The following DAB2IP variants were observed in gnomAD, a reference collection of about 807,000 sequenced individuals.
DAB2IP encodes DAB2 interacting protein.
A neutral mutation model predicts 107.2 loss-of-function variants in DAB2IP; 28 were observed. The observed-to-expected ratio is 0.26, with a 90% confidence interval of 0.19 to 0.36. The LOEUF is 0.36. DAB2IP is among the 10% of genes least tolerant of loss of function. DAB2IP has a pLI of 1.00. For synonymous variants in DAB2IP, 755 were observed against 706.4 expected, an observed-to-expected ratio of 1.07 and a Z score of -1.09; for missense variants, 1,400 against 1,644.7, an observed-to-expected ratio of 0.85 and a Z score of 2.57.
intron 3 of DAB2IP, among the ~76,000 whole-genome samples, chr9:121,733,467 G>T (rs976050631): frequency 6.6e-6 from 1 of 152,226 alleles, no homozygotes; most frequent in Non-Finnish European, 1.5e-5. Context: ...AGTTGCTGAG[G>T]ACATCTTCAG....
rs185661921 is a variant in DAB2IP, at chr9:121,586,826, G to C, written c.40+19598G>C. Among the ~76,000 whole-genome samples, 127 of 152,008 alleles carry C rather than the reference G, an allele frequency of 8.4e-4. 1 individual carries two copies. Among genetic ancestry groups the C allele is most frequent in the Admixed American group, 7.1e-3 (109 of 15,256 alleles). ...CAAAGTAAAAAAAAAAAAAATTGCA[G>C]TGACCTCATTAAGCATCCCTTTTCA... is the stretch of plus-strand genomic sequence containing the variant. On this transcript the variant is annotated intron_variant, in intron 1 of 16. Transcript: ENST00000259371.
chr9:121,600,001 C>G (rs1474102798), intron 1 of DAB2IP, among the ~76,000 whole-genome samples: 1 of 152,138 alleles, frequency 6.6e-6, no homozygotes, highest in East Asian at 1.9e-4. Flanking sequence ...GCGCCCTGCC[C>G]AGATCTCGAC....
Position 121,776,226 on chromosome 9 carries a change from G to T in DAB2IP, c.3149G>T (p.Arg1050Leu). The change falls in exon 14 of 16, where the codon CGA becomes CTA. Residue 1050 changes from arginine (R) to leucine (L), a missense_variant. By Grantham distance (102) the Arg-to-Leu change is moderately radical. Coordinates refer to ENST00000408936, the Ensembl canonical transcript of DAB2IP. The surrounding 1 kb of genome is among the most constrained non-coding windows in gnomAD (Gnocchi z 5.4). ...CTGGCGGTGCTGCAGGACAAGCTGC[G>T]AATCTCCACCAAGAAGCTGGAGGAG... 1.3e-6 allele frequency: 2 copies of T among 1,582,444 alleles called. No individual in the cohort carries two copies. The highest frequency in any genetic ancestry group is 1.7e-6 in the Non-Finnish European group (2 of 1,164,682).
intron 1 of DAB2IP, among the ~76,000 whole-genome samples, chr9:121,618,696 A>T (rs1168461103): frequency 2.0e-5 from 3 of 152,184 alleles, no homozygotes; most frequent in Admixed American, 2.0e-4. Context: ...CCCAAAAGGA[A>T]TTCACGCTGT....
intron 3 of DAB2IP, among the ~76,000 whole-genome samples, chr9:121,743,618 G>A (rs988687561): frequency 6.6e-5 from 10 of 152,290 alleles, no homozygotes; most frequent in African/African-American, 2.4e-4. Flanking sequence ...GGATCAGGGC[G>A]GGGCTAGGCT....
exon 8 of DAB2IP, chr9:121,763,792 A>G (rs758299546): frequency 1.6e-5 from 26 of 1,614,004 alleles, no homozygotes; most frequent in Non-Finnish European, 2.2e-5. Flanking sequence ...GATCCCAGCA[A>G]GTGCTCGGCC....
intron 1 of DAB2IP, among the ~76,000 whole-genome samples, chr9:121,610,646 G>T (rs1831061321): frequency 6.6e-6 from 1 of 152,124 alleles, no homozygotes; most frequent in African/African-American, 2.4e-5. Flanking sequence ...GCACGTGAGG[G>T]GTGGGAAGGT....
intron 2 of DAB2IP, among the ~76,000 whole-genome samples, chr9:121,688,634 G>A (rs1829011572): frequency 6.6e-6 from 1 of 152,186 alleles, no homozygotes; most frequent in South Asian, 2.1e-4. Context: ...CGGACTCTGT[G>A]ACTTCATGAT....
At position 121,756,910 on chromosome 9, in the gene DAB2IP, G is replaced by C. The variant is rs894898937; in HGVS notation, c.363-103G>C. ...AAAGGAGAGAGAGTGGAGAGGAGTG[G>C]CTGCCTGCTGGAAGGGGCACGGCCA... On this transcript the variant is annotated intron_variant, in intron 3 of 15. Coordinates refer to ENST00000408936, the Ensembl canonical transcript of DAB2IP. 7 of 1,485,644 alleles carry C rather than the reference G, an allele frequency of 4.7e-6. No homozygotes were observed. In the African/African-American group the frequency reaches 8.3e-5, roughly 18 times the overall value. 92.0% of individuals were successfully genotyped at this position (1,485,644 alleles called of 1,614,324 possible).
At chr9:121,693,471 T>C (rs991733141) in intron 2 of DAB2IP, among the ~76,000 whole-genome samples, 2 of 152,246 alleles carry the variant, frequency 1.3e-5, no homozygotes, top group Admixed American at 1.3e-4. Flanking sequence ...TTAGATGTGC[T>C]TTTGGCATTC....
At chr9:121,704,311 T>A (rs1483575613) in intron 3 of DAB2IP, among the ~76,000 whole-genome samples, 1 of 152,244 alleles carries the variant, frequency 6.6e-6, no homozygotes, top group African/African-American at 2.4e-5. Context: ...CTTACCTGTT[T>A]CCTCACACCC....
intron 13 of DAB2IP, among the ~76,000 whole-genome samples, chr9:121,775,700 C>T (rs1835153090): frequency 6.6e-6 from 1 of 152,182 alleles, no homozygotes; most frequent in Admixed American, 6.5e-5. Flanking sequence ...CCTCATGCCA[C>T]TGCCACCCCC....
intron 1 of DAB2IP, among the ~76,000 whole-genome samples, chr9:121,641,935 T>TTTTG (rs1832318231): frequency 2.6e-5 from 3 of 113,634 alleles, no homozygotes; most frequent in African/African-American, 8.5e-5. Flanking sequence ...CTTTCTTTCT[T>TTTTG]TCTCTCTTTC....
intron 9 of DAB2IP, among the ~76,000 whole-genome samples, chr9:121,767,504 C>T (rs547406084): frequency 3.9e-5 from 6 of 152,328 alleles, no homozygotes; most frequent in African/African-American, 1.4e-4. Flanking sequence ...GTGAGGCGTT[C>T]ATTGTCTCAA....
At chr9:121,643,893 C>A (rs1012416436) in intron 1 of DAB2IP, among the ~76,000 whole-genome samples, 3 of 152,244 alleles carry the variant, frequency 2.0e-5, no homozygotes, top group African/African-American at 7.2e-5. Context: ...CAAGGCTAGG[C>A]ATGGTGGCTC....
chr9:121,608,578 T>C (rs998023561), intron 1 of DAB2IP, among the ~76,000 whole-genome samples: 1 of 151,968 alleles, frequency 6.6e-6, no homozygotes, highest in African/African-American at 2.4e-5. Context: ...AGCAGAAAAG[T>C]ACCATCAGGA....
chr9:121,740,245 A>T (rs1317922275), intron 3 of DAB2IP, among the ~76,000 whole-genome samples: 1 of 152,172 alleles, frequency 6.6e-6, no homozygotes, highest in Non-Finnish European at 1.5e-5. Context: ...ATTCTGATTC[A>T]GGAGCGCCGA....
At chr9:121,627,469 G>C (rs918688971) in intron 1 of DAB2IP, among the ~76,000 whole-genome samples, 1 of 152,060 alleles carries the variant, frequency 6.6e-6, no homozygotes, top group Non-Finnish European at 1.5e-5. Context: ...TTATCTGAAG[G>C]ATAGCATGTA....
At position 121,662,723 on chromosome 9, in the gene DAB2IP, A is replaced by G. The variant is rs1302114740; in HGVS notation, c.124+10824A>G. On this transcript the variant is annotated intron_variant, in intron 1 of 15. Transcript: ENST00000408936. The surrounding 1 kb of genome is among the most constrained non-coding windows in gnomAD (Gnocchi z 4.6). ...CTGCCTACATGTGCTTTCTGCTTTT[A>G]CATAGAAGCCTATGCTTCCAAGTGT... Among the ~76,000 whole-genome samples, 1 of 152,186 alleles carries G rather than the reference A, an allele frequency of 6.6e-6. No homozygotes were observed. The highest frequency in any genetic ancestry group is 1.5e-5 in the Non-Finnish European group (1 of 68,002).
Sources: gnomAD v4.1 joint callset for allele counts (sites outside exome capture counted in the v4.1 genomes callset) on GRCh38, gnomAD v4.1.1 for gene constraint, Gnocchi (gnomAD v3.1) non-coding constraint, MANE v1.5 for transcripts, NCBI Gene and HGNC (gene_info 2026-07-23, HGNC 2026-07-21) for gene names.